The following LEMD1 variants were observed in gnomAD, a reference collection of about 807,000 sequenced individuals.
The protein encoded by LEMD1 is LEM domain containing 1.
Under a neutral mutation model 17.4 loss-of-function variants are expected in LEMD1, and 18 were observed. The ratio of observed to expected loss-of-function variants is 1.04; its 90% CI spans 0.72 to 1.54. LEMD1 has a LOEUF of 1.54. Ranked by LOEUF, LEMD1 falls within the 40% of genes most tolerant of loss-of-function variation. The pLI, the probability that LEMD1 is intolerant of heterozygous loss-of-function variation, is 0.00. For missense variants in LEMD1, 195 were observed against 210.4 expected, an observed-to-expected ratio of 0.93 and a Z score of 0.45; for synonymous variants, 88 against 77.8, an observed-to-expected ratio of 1.13 and a Z score of -0.69.
intron 1 of LEMD1, among the ~76,000 whole-genome samples, chr1:205,430,600 C>T (rs1558740207): frequency 6.6e-6 from 1 of 152,212 alleles, no homozygotes; most frequent in Non-Finnish European, 1.5e-5. Context: ...GAATGGCAGA[C>T]CACGCGGACG....
At chr1:205,412,301 G>T (rs531767241) in intron 4 of LEMD1, among the ~76,000 whole-genome samples, 1 of 152,032 alleles carries the variant, frequency 6.6e-6, no homozygotes, top group Non-Finnish European at 1.5e-5. Flanking sequence ...GCTGTGCCTA[G>T]TGTCTTTCTG....
At chr1:205,442,460 T>C (rs909126415) in intron 1 of LEMD1, among the ~76,000 whole-genome samples, 1 of 152,164 alleles carries the variant, frequency 6.6e-6, no homozygotes, top group Admixed American at 6.5e-5. Context: ...CTTGCCCTTT[T>C]GGAAAAACTT....
intron 4 of LEMD1, among the ~76,000 whole-genome samples, chr1:205,404,602 C>A (rs1276456558): frequency 1.3e-5 from 2 of 152,160 alleles, no homozygotes; most frequent in Non-Finnish European, 2.9e-5. Context: ...TGTCTCTGCA[C>A]GTGAGATGGG....
intron 4 of LEMD1, among the ~76,000 whole-genome samples, chr1:205,411,094 AAGAAAAAAG>A (rs1558727434): frequency 2.7e-5 from 4 of 148,112 alleles, no homozygotes; most frequent in Non-Finnish European, 6.0e-5. Flanking sequence ...AAAAAGAAGA[AAGAAAAAAG>A]AAAGAAAGGA....
rs528999623 is a variant in LEMD1, at chr1:205,397,286, T to C, written c.271-12922A>G. Among the ~76,000 whole-genome samples the C allele has an allele frequency of 4.6e-5, 7 of 152,342 alleles. No homozygotes were observed. In the East Asian group the frequency reaches 1.3e-3, roughly 29 times the overall value. ...TGATATAATGGAGAGGGCAACAGAA[T>C]GGAAATTAGGCCACTAGATTTCTAT... On this transcript the variant is annotated intron_variant, in intron 4 of 5. Transcript: ENST00000367153.
At chr1:205,425,845 T>C (rs1666048438), upstream of LEMD1, among the ~76,000 whole-genome samples, 1 of 152,086 alleles carries the variant, frequency 6.6e-6, no homozygotes, top group African/African-American at 2.4e-5. Context: ...ATAAAATGAG[T>C]GCATATAATT....
intron 4 of LEMD1, among the ~76,000 whole-genome samples, chr1:205,391,651 C>T (rs552301511): frequency 3.3e-5 from 5 of 152,168 alleles, no homozygotes; most frequent in Non-Finnish European, 7.3e-5. Context: ...TGGGAGCCCT[C>T]CCAGCAGCCC....
intron 1 of LEMD1, among the ~76,000 whole-genome samples, chr1:205,447,322 C>T (rs976691299): frequency 1.3e-5 from 2 of 152,170 alleles, no homozygotes; most frequent in Admixed American, 6.5e-5. Context: ...CGGTTAGAAT[C>T]ATGGGGTACA....
At chr1:205,392,009 G>A (rs1267957687) in intron 4 of LEMD1, among the ~76,000 whole-genome samples, 1 of 151,878 alleles carries the variant, frequency 6.6e-6, no homozygotes, top group Non-Finnish European at 1.5e-5. Flanking sequence ...TACTCAGGAG[G>A]CTGGGGCAGG....
intron 1 of LEMD1, among the ~76,000 whole-genome samples, chr1:205,430,790 C>T (rs2102453369): frequency 6.6e-6 from 1 of 152,350 alleles, no homozygotes; most frequent in Non-Finnish European, 1.5e-5. Context: ...AGCCGCCCTC[C>T]CTCCGCAGTG....
intron 5 of LEMD1, chr1:205,382,145 G>C (rs902665781): frequency 2.9e-6 from 1 of 348,960 alleles, no homozygotes; most frequent in East Asian, 5.7e-5. Flanking sequence ...CGGACCACAG[G>C]TACATGCCAC....
intron 4 of LEMD1, among the ~76,000 whole-genome samples, chr1:205,406,988 G>T (rs1665146007): frequency 6.6e-6 from 1 of 152,120 alleles, no homozygotes; most frequent in Non-Finnish European, 1.5e-5. Flanking sequence ...CCCTTAGACA[G>T]CTTCAAAATG....
intron 2 of LEMD1, 43 bp from the exon 3 acceptor site, chr1:205,419,395 T>C: frequency 6.2e-7 from 1 of 1,610,176 alleles, no homozygotes; most frequent in Non-Finnish European, 8.5e-7. Flanking sequence ...TTCTGTTTTT[T>C]GTATATGAGC....
chr1:205,416,636 G>A (rs1665710165), intron 3 of LEMD1, among the ~76,000 whole-genome samples: 1 of 152,170 alleles, frequency 6.6e-6, no homozygotes, highest in Admixed American at 6.5e-5. Flanking sequence ...TGCCAAGATA[G>A]GAAGGGAGGA....
At chr1:205,422,901 G>A (rs1666000698), upstream of LEMD1, among the ~76,000 whole-genome samples, 1 of 152,176 alleles carries the variant, frequency 6.6e-6, no homozygotes, top group Admixed American at 6.5e-5. Flanking sequence ...ACTTCACTGT[G>A]TCTCCTCCTC....
chr1:205,409,062 C>T (rs1038989418), intron 4 of LEMD1, among the ~76,000 whole-genome samples: 6 of 152,040 alleles, frequency 3.9e-5, no homozygotes, highest in East Asian at 1.9e-4. Context: ...TGATCTTGAA[C>T]TCCCGGGCTC....
At chr1:205,403,917 G>A (rs921570740) in intron 4 of LEMD1, among the ~76,000 whole-genome samples, 5 of 151,970 alleles carry the variant, frequency 3.3e-5, no homozygotes, top group Admixed American at 6.6e-5. Context: ...GTTCTCGTTG[G>A]TTTCAAAGAA....
At chr1:205,420,377 G>T in intron 2 of LEMD1, 78 bp downstream of exon 2, 1 of 1,077,532 alleles carries the variant, frequency 9.3e-7, no homozygotes. Context: ...TGGCTTTACT[G>T]CATATGTTCC....
chr1:205,448,742 GGCCGGATCTTTTCAAGGCTGCTGCT>G lies in LEMD1; in HGVS notation c.-39+1101_-39+1125del. 6.6e-6 allele frequency among the ~76,000 whole-genome samples: 1 copy of G among 152,138 alleles called. No individual in the cohort carries two copies. Among genetic ancestry groups the G allele is most frequent in the South Asian group, 2.1e-4 (1 of 4,824 alleles). On this transcript the variant is annotated intron_variant, in intron 1 of 3. Transcript: ENST00000367154. The surrounding 1 kb of genome is among the most constrained non-coding windows in gnomAD (Gnocchi z 4.7). ...TAACTACCCCTTCCCTAGAGAATAA[GGCCGGATCTTTTCAAGGCTGCTGCT>G]GCCAGTACCCAGGATGGGGGGCCCC... is the stretch of plus-strand genomic sequence containing the variant.
Sources: allele counts gnomAD v4.1 joint callset (sites outside exome capture counted in the v4.1 genomes callset), GRCh38; gene constraint gnomAD v4.1.1; non-coding constraint Gnocchi (gnomAD v3.1); transcripts MANE v1.5; gene names NCBI Gene and HGNC (gene_info 2026-07-23, HGNC 2026-07-21).